KCND2: variants seen among roughly 807,000 people sequenced by gnomAD.
KCND2 encodes the protein potassium voltage-gated channel subfamily D member 2.
In KCND2, 16 loss-of-function variants were observed where a neutral mutation model predicts 54.4. That is an observed-to-expected ratio of 0.29 (90% CI 0.20 to 0.45). KCND2 has a LOEUF of 0.45. Among genes scored for constraint, KCND2 ranks in the 20% least tolerant of loss-of-function variants. KCND2 has a pLI of 1.00. For synonymous variants in KCND2, 317 were observed against 310.7 expected (o/e 1.02, Z -0.21); for missense variants, 486 against 824.2 (o/e 0.59, Z 5.02).
chr7:120,529,941 C>G (rs1272654472), intron 1 of KCND2, among the ~76,000 whole-genome samples: 9 of 151,996 alleles, frequency 5.9e-5, no homozygotes, highest in Non-Finnish European at 2.9e-5. Flanking sequence ...ATTAGCCAGG[C>G]ACACTCCTGT....
chr7:120,364,184 T>G (rs1256640991), intron 1 of KCND2, among the ~76,000 whole-genome samples: 1 of 152,208 alleles, frequency 6.6e-6, no homozygotes, highest in African/African-American at 2.4e-5. Flanking sequence ...CTCATCTTCA[T>G]GTATCTGGTT....
At chr7:120,407,384 A>C (rs931187316) in intron 1 of KCND2, among the ~76,000 whole-genome samples, 6 of 152,032 alleles carry the variant, frequency 3.9e-5, no homozygotes, top group Admixed American at 6.6e-5. Flanking sequence ...AGTTATAAAC[A>C]AACCCCCCAA....
intron 2 of KCND2, among the ~76,000 whole-genome samples, chr7:120,739,363 T>C (rs1360210256): frequency 6.6e-6 from 1 of 152,006 alleles, no homozygotes; most frequent in African/African-American, 2.4e-5. Context: ...TATTTCTGAA[T>C]TATTAAGCTA....
At chr7:120,538,751 C>A (rs1387930148) in intron 1 of KCND2, among the ~76,000 whole-genome samples, 2 of 152,130 alleles carry the variant, frequency 1.3e-5, no homozygotes. Flanking sequence ...ACCAGCCAAA[C>A]CCCATGGGCA....
chr7:120,655,399 C>T (rs147366280), intron 1 of KCND2, among the ~76,000 whole-genome samples: 206 of 152,172 alleles, frequency 1.4e-3, no homozygotes, highest in African/African-American at 4.4e-3. Flanking sequence ...TTCAGGGTTG[C>T]ATTCCTAATT....
intron 1 of KCND2, among the ~76,000 whole-genome samples, chr7:120,395,765 C>G (rs1220987028): frequency 6.6e-6 from 1 of 152,002 alleles, no homozygotes; most frequent in African/African-American, 2.4e-5. Flanking sequence ...AGTAAACTGT[C>G]ATGAGGCTGG....
chr7:120,298,534 GC>G lies in KCND2; in HGVS notation c.1115+22789del, dbSNP rs528576320. On this transcript the variant is annotated intron_variant, in intron 1 of 5. Coordinates refer to ENST00000331113, the MANE Select transcript of KCND2 (RefSeq NM_012281.3). Reference sequence around the variant, plus strand: ...ATGATTGGAAGTGCTTCTTTATGCAGCCATACATTTCTGGTGTTCCTGCTAA... The same window carrying G: ...ATGATTGGAAGTGCTTCTTTATGCAGCATACATTTCTGGTGTTCCTGCTAA... Among the ~76,000 whole-genome samples the G allele has an allele frequency of 2.1e-3, 315 of 152,240 alleles. 4 individuals carry two copies. Among genetic ancestry groups the G allele is most frequent in the African/African-American group, 7.4e-3 (306 of 41,536 alleles).
intron 1 of KCND2, among the ~76,000 whole-genome samples, chr7:120,585,407 G>A (rs996664637): frequency 1.3e-5 from 2 of 152,138 alleles, no homozygotes; most frequent in African/African-American, 4.8e-5. Context: ...AATTCTTTAA[G>A]CAGATGAGAA....
intron 1 of KCND2, among the ~76,000 whole-genome samples, chr7:120,583,960 C>T (rs1326308435): frequency 6.6e-6 from 1 of 152,184 alleles, no homozygotes; most frequent in Non-Finnish European, 1.5e-5. Context: ...AAGGTGTCAA[C>T]CACAGGACAT....
intron 1 of KCND2, among the ~76,000 whole-genome samples, chr7:120,591,475 C>A (rs1355430634): frequency 6.6e-6 from 1 of 152,208 alleles, no homozygotes; most frequent in Non-Finnish European, 1.5e-5. Flanking sequence ...ACCTATTCAC[C>A]TCACAAGACT....
chr7:120,597,208 CAG>C (rs1333125488), intron 1 of KCND2, among the ~76,000 whole-genome samples: 2 of 152,098 alleles, frequency 1.3e-5, no homozygotes, highest in Non-Finnish European at 2.9e-5. Context: ...AGACACTTGA[CAG>C]AGAGAAATGA....
At chr7:120,687,843 G>T (rs564930897) in intron 1 of KCND2, among the ~76,000 whole-genome samples, 41 of 152,202 alleles carry the variant, frequency 2.7e-4, no homozygotes, top group African/African-American at 8.9e-4. Flanking sequence ...ATGAAATAGG[G>T]ATTGAGATTT....
At chr7:120,349,215 T>C (rs1800366122) in intron 1 of KCND2, among the ~76,000 whole-genome samples, 1 of 152,092 alleles carries the variant, frequency 6.6e-6, no homozygotes, top group Non-Finnish European at 1.5e-5. Flanking sequence ...TTCTGATGCC[T>C]TTATGTGGCT....
At chr7:120,385,339 A>G (rs186873988) in intron 1 of KCND2, among the ~76,000 whole-genome samples, 2 of 152,114 alleles carry the variant, frequency 1.3e-5, no homozygotes, top group East Asian at 3.9e-4. Context: ...TTTCGTAAAG[A>G]TGAATATCTT....
Position 120,336,340 on chromosome 7 carries a change from A to G in KCND2, c.1115+60593A>G, listed in dbSNP as rs931922970. Among the ~76,000 whole-genome samples the G allele has an allele frequency of 2.0e-5, 3 of 152,126 alleles. No homozygotes were observed. The East Asian group carries it at 5.8e-4, about 29-fold the overall frequency. On this transcript the variant is annotated intron_variant, in intron 1 of 5. Coordinates refer to ENST00000331113, the MANE Select transcript of KCND2 (RefSeq NM_012281.3). ...ATTGTCATCCAATTTGAAAATGCCA[A>G]CTTCTCTTTTTATTTTTCTTTTTAG...
intron 1 of KCND2, among the ~76,000 whole-genome samples, chr7:120,420,695 G>C (rs1801598544): frequency 6.6e-6 from 1 of 152,104 alleles, no homozygotes; most frequent in South Asian, 2.1e-4. Flanking sequence ...CTCTTGATGA[G>C]TACGGAGGCT....
intron 1 of KCND2, among the ~76,000 whole-genome samples, chr7:120,384,754 C>T (rs1486769438): frequency 6.6e-6 from 1 of 152,096 alleles, no homozygotes; most frequent in Non-Finnish European, 1.5e-5. Flanking sequence ...CCAGAACTAG[C>T]TCATATGACT....
At chr7:120,575,615 G>T (rs906654289) in intron 1 of KCND2, among the ~76,000 whole-genome samples, 7 of 152,246 alleles carry the variant, frequency 4.6e-5, no homozygotes, top group African/African-American at 1.7e-4. Context: ...ATTAACTATA[G>T]CGTAAATTCT....
intron 1 of KCND2, among the ~76,000 whole-genome samples, chr7:120,621,865 T>A (rs1487534964): frequency 6.6e-6 from 1 of 152,186 alleles, no homozygotes. Flanking sequence ...AGGAGTAGTA[T>A]GAATAGGCCC....
Sources: allele counts gnomAD v4.1 joint callset (sites outside exome capture counted in the v4.1 genomes callset), GRCh38; gene constraint gnomAD v4.1.1; transcripts MANE v1.5; gene names NCBI Gene and HGNC (gene_info 2026-07-23, HGNC 2026-07-21).